ITGA8: variants seen among roughly 807,000 people sequenced by gnomAD.
The protein encoded by ITGA8 is integrin alpha-8.
In ITGA8, 91 loss-of-function variants were observed where a neutral mutation model predicts 142.3. That is an observed-to-expected ratio of 0.64 (90% CI 0.54 to 0.76). The LOEUF is 0.76. Among genes scored for constraint, ITGA8 ranks in the 30% least tolerant of loss-of-function variants. The probability of loss-of-function intolerance (pLI) is 0.00; values close to 1 mark genes in which losing one functional copy is unlikely to be tolerated. For synonymous variants in ITGA8, 505 were observed against 485.2 expected (o/e 1.04, Z -0.54); for missense variants, 1,406 against 1,327.7 (o/e 1.06, Z -0.92).
intron 21 of ITGA8, among the ~76,000 whole-genome samples, chr10:15,594,592 G>A (rs1328775724): frequency 6.6e-6 from 1 of 152,076 alleles, no homozygotes; most frequent in African/African-American, 2.4e-5. Context: ...AGACCGGCCT[G>A]GCCAACATGG....
intron 23 of ITGA8, among the ~76,000 whole-genome samples, 161 bp downstream of exon 23, chr10:15,586,423 A>G (rs1456666538): frequency 6.6e-6 from 1 of 152,170 alleles, no homozygotes; most frequent in African/African-American, 2.4e-5. Flanking sequence ...TCTGCTTTCC[A>G]ATGGAAGGCT....
At chr10:15,560,854 ATTTC>A (rs1320636456) in intron 25 of ITGA8, among the ~76,000 whole-genome samples, 2 of 152,100 alleles carry the variant, frequency 1.3e-5, no homozygotes, top group Non-Finnish European at 2.9e-5. Flanking sequence ...AGTTTTGCTT[ATTTC>A]TTTTTAGGTA....
chr10:15,619,706 T>A (rs1833454617), intron 13 of ITGA8, among the ~76,000 whole-genome samples: 1 of 92,234 alleles, frequency 1.1e-5, no homozygotes, highest in South Asian at 2.7e-4. Flanking sequence ...AGATTGGTAC[T>A]TTTTTTTTCT....
intron 4 of ITGA8, 86 bp downstream of exon 4, chr10:15,683,918 A>G (rs1013304448): frequency 1.1e-5 from 16 of 1,491,634 alleles, no homozygotes; most frequent in Admixed American, 3.9e-5. Flanking sequence ...TAAGTTATCA[A>G]TGGTGTTTTG....
intron 8 of ITGA8, among the ~76,000 whole-genome samples, chr10:15,665,867 T>C (rs1036702554): frequency 6.6e-6 from 1 of 152,212 alleles, no homozygotes; most frequent in African/African-American, 2.4e-5. Flanking sequence ...TTCTGTTCCA[T>C]TGATCTATAT....
chr10:15,581,075 C>A (rs944817007), intron 23 of ITGA8, among the ~76,000 whole-genome samples: 2 of 152,200 alleles, frequency 1.3e-5, no homozygotes, highest in African/African-American at 2.4e-5. Flanking sequence ...CTTTGTTTGC[C>A]TGGGGCCTTG....
chr10:15,596,078 T>A (rs1398022787), intron 21 of ITGA8, among the ~76,000 whole-genome samples: 2 of 152,104 alleles, frequency 1.3e-5, no homozygotes, highest in African/African-American at 4.8e-5. Flanking sequence ...GGCGGTTGGA[T>A]TTTTCTCAAA....
At chr10:15,602,437 A>T (rs1833120228) in intron 20 of ITGA8, among the ~76,000 whole-genome samples, 2 of 152,118 alleles carry the variant, frequency 1.3e-5, no homozygotes, top group South Asian at 2.1e-4. Context: ...GAAGAGGATT[A>T]AAAAAAATCA....
intron 6 of ITGA8, among the ~76,000 whole-genome samples, chr10:15,673,003 C>T (rs1347998140): frequency 6.6e-6 from 1 of 152,218 alleles, no homozygotes; most frequent in Non-Finnish European, 1.5e-5. Context: ...ACTCCACCTC[C>T]AAATGATAAA....
intron 15 of ITGA8, among the ~76,000 whole-genome samples, chr10:15,611,701 G>T (rs771450487): frequency 3.4e-5 from 5 of 147,470 alleles, no homozygotes; most frequent in Non-Finnish European, 7.5e-5. Flanking sequence ...CCATGGTCTC[G>T]ATCTCCTGAC....
chr10:15,561,237 A>ATATATATATATATATATG (rs1833974831), intron 25 of ITGA8, among the ~76,000 whole-genome samples: 23 of 78,876 alleles, frequency 2.9e-4, no homozygotes, highest in African/African-American at 2.0e-3. Context: ...ATATATATGT[A>ATATATATATATATATATG]TATATATATA....
At chr10:15,545,278 A>T (rs1833647170) in intron 27 of ITGA8, among the ~76,000 whole-genome samples, 1 of 152,150 alleles carries the variant, frequency 6.6e-6, no homozygotes, top group Non-Finnish European at 1.5e-5. Context: ...CTCATCCTCT[A>T]ACAATAAATT....
intron 20 of ITGA8, among the ~76,000 whole-genome samples, chr10:15,598,657 G>T (rs887723000): frequency 6.6e-6 from 1 of 152,286 alleles, no homozygotes; most frequent in Middle Eastern, 3.4e-3. Context: ...ACACTTTCTT[G>T]TAAAAGAGAA....
At chr10:15,672,538 C>G (rs1337003802) in intron 7 of ITGA8, 86 bp downstream of exon 7, 2 of 1,438,050 alleles carry the variant, frequency 1.4e-6, no homozygotes, top group African/African-American at 1.4e-5. Flanking sequence ...CAAATAACAT[C>G]GGATAAGTCA....
At chr10:15,620,282 T>C (rs1316696107) in intron 13 of ITGA8, among the ~76,000 whole-genome samples, 3 of 146,812 alleles carry the variant, frequency 2.0e-5, no homozygotes, top group African/African-American at 5.0e-5. Flanking sequence ...GCTGGAGTTT[T>C]GCATGTATAC....
At chr10:15,524,840 A>G (rs1345445106) in intron 28 of ITGA8, among the ~76,000 whole-genome samples, 1 of 152,198 alleles carries the variant, frequency 6.6e-6, no homozygotes, top group Non-Finnish European at 1.5e-5. Context: ...GTTATTTCTA[A>G]TATCTATATT....
intron 20 of ITGA8, among the ~76,000 whole-genome samples, chr10:15,602,007 T>C (rs377062893): frequency 1.3e-5 from 2 of 152,214 alleles, no homozygotes; most frequent in East Asian, 3.8e-4. Flanking sequence ...TTGCAGATAA[T>C]GTCCCTTGTA....
At chr10:15,570,705 A>G (rs1348411615) in intron 25 of ITGA8, among the ~76,000 whole-genome samples, 1 of 152,118 alleles carries the variant, frequency 6.6e-6, no homozygotes, top group Non-Finnish European at 1.5e-5. Flanking sequence ...AGAATCTGTC[A>G]ACATTTAAGA....
chr10:15,653,895 T>C (rs892891747), intron 11 of ITGA8, among the ~76,000 whole-genome samples: 9 of 151,178 alleles, frequency 6.0e-5, no homozygotes, highest in African/African-American at 2.2e-4. Flanking sequence ...AGTGCAGTGG[T>C]GCAATCACGG....
Sources: gnomAD v4.1 joint callset for allele counts (sites outside exome capture counted in the v4.1 genomes callset) on GRCh38, gnomAD v4.1.1 for gene constraint, MANE v1.5 for transcripts, NCBI Gene and HGNC (gene_info 2026-07-23, HGNC 2026-07-21) for gene names.